Variants in RABGAP1L observed in about 807,000 individuals in gnomAD.
RABGAP1L encodes the protein RAB GTPase activating protein 1 like, also known as rab GTPase-activating protein 1-like.
Under a neutral mutation model 137.7 loss-of-function variants are expected in RABGAP1L, and 63 were observed. The ratio of observed to expected loss-of-function variants is 0.46; its 90% CI spans 0.37 to 0.56. The LOEUF is 0.56. RABGAP1L is among the 20% of genes least tolerant of loss of function. The pLI, the probability that RABGAP1L is intolerant of heterozygous loss-of-function variation, is 0.00. For missense variants in RABGAP1L, 1,095 were observed against 1,244.0 expected, an observed-to-expected ratio of 0.88 and a Z score of 1.80; for synonymous variants, 431 against 433.7, an observed-to-expected ratio of 0.99 and a Z score of 0.08.
intron 13 of RABGAP1L, among the ~76,000 whole-genome samples, chr1:174,426,068 G>A (rs1019297050): frequency 2.0e-5 from 3 of 152,002 alleles, no homozygotes; most frequent in Admixed American, 2.0e-4. Context: ...TTCTCATAAA[G>A]TTCTGTAGGA....
intron 13 of RABGAP1L, among the ~76,000 whole-genome samples, chr1:174,420,677 GTT>G (rs67587872): frequency 7.5e-6 from 1 of 133,976 alleles, no homozygotes. Context: ...TGGGTGTTTT[GTT>G]TTTTTTTTTT....
At chr1:174,599,830 G>C (rs1670277645) in intron 13 of RABGAP1L, among the ~76,000 whole-genome samples, 1 of 152,112 alleles carries the variant, frequency 6.6e-6, no homozygotes. Flanking sequence ...TCTGCTTGGT[G>C]TTTTATAACC....
intron 18 of RABGAP1L, among the ~76,000 whole-genome samples, chr1:174,763,229 C>T (rs1685371698): frequency 6.6e-6 from 1 of 152,022 alleles, no homozygotes. Context: ...TAAAAATGTA[C>T]AATTAGTGGC....
chr1:174,563,168 A>G (rs1303364817), intron 13 of RABGAP1L, among the ~76,000 whole-genome samples: 1 of 152,150 alleles, frequency 6.6e-6, no homozygotes, highest in African/African-American at 2.4e-5. Context: ...TTTTCAACAT[A>G]TTAGAGTGTT....
intron 13 of RABGAP1L, among the ~76,000 whole-genome samples, chr1:174,631,613 C>T: frequency 1.1e-5 from 1 of 89,486 alleles, no homozygotes; most frequent in East Asian, 2.9e-4. Flanking sequence ...ATAGTTAGCT[C>T]CTCTTGTTGA....
At chr1:174,928,162 G>A (rs1663147506) in intron 19 of RABGAP1L, among the ~76,000 whole-genome samples, 1 of 151,900 alleles carries the variant, frequency 6.6e-6, no homozygotes, top group South Asian at 2.1e-4. Flanking sequence ...TCATTCCTTG[G>A]GGCCTTTATT....
intron 11 of RABGAP1L, among the ~76,000 whole-genome samples, chr1:174,346,335 T>A (rs748399093): frequency 6.6e-5 from 10 of 152,318 alleles, no homozygotes; most frequent in Admixed American, 1.3e-4. Context: ...CTTCTTTAAA[T>A]GTTGGGTAAA....
chr1:174,610,983 A>C (rs1671190662), intron 13 of RABGAP1L, among the ~76,000 whole-genome samples: 3 of 150,712 alleles, frequency 2.0e-5, no homozygotes, highest in Admixed American at 2.0e-4. Context: ...AGGTTGCGAA[A>C]ATTTTCTCCC....
At chr1:174,772,123 G>A (rs747241403) in intron 18 of RABGAP1L, among the ~76,000 whole-genome samples, 31 of 152,184 alleles carry the variant, frequency 2.0e-4, no homozygotes, top group Admixed American at 3.9e-4. Flanking sequence ...GCTTGAAGCC[G>A]GGAGGCAGAG....
intron 13 of RABGAP1L, among the ~76,000 whole-genome samples, chr1:174,598,175 A>G (rs1670116210): frequency 6.6e-6 from 1 of 152,084 alleles, no homozygotes; most frequent in Admixed American, 6.6e-5. Flanking sequence ...CTAAAATACA[A>G]AAATTAGCTG....
chr1:174,736,921 C>G (rs949716675), intron 17 of RABGAP1L, among the ~76,000 whole-genome samples: 3 of 152,196 alleles, frequency 2.0e-5, no homozygotes, highest in Non-Finnish European at 4.4e-5. Flanking sequence ...GGGCCCCGGG[C>G]CTGGCCCCTG....
intron 13 of RABGAP1L, among the ~76,000 whole-genome samples, chr1:174,601,190 G>C (rs1322549387): frequency 2.0e-5 from 3 of 152,184 alleles, no homozygotes; most frequent in African/African-American, 7.2e-5. Flanking sequence ...CAAGTCCCTA[G>C]GCCGCACGCA....
chr1:174,724,888 C>T lies in RABGAP1L; in HGVS notation c.2169+22632C>T, dbSNP rs148204186. ...ACATTTAAAGCTGAGATCTAAGAGA[C>T]GAGTAGGAGAAATCACGGTGATGAG... On this transcript the variant is annotated intron_variant, in intron 17 of 25. Coordinates refer to ENST00000681986, the MANE Select transcript of RABGAP1L (RefSeq NM_001366446.1). 7.1e-3 allele frequency among the ~76,000 whole-genome samples: 1,074 copies of T among 152,184 alleles called. 4 individuals are homozygous for T. The highest frequency in any genetic ancestry group is 0.017 in the Middle Eastern group (5 of 294).
intron 13 of RABGAP1L, among the ~76,000 whole-genome samples, chr1:174,635,011 T>C (rs937621276): frequency 6.7e-6 from 1 of 149,564 alleles, no homozygotes; most frequent in Non-Finnish European, 1.5e-5. Flanking sequence ...TGTGCACATG[T>C]ACCCTAAAAC....
At chr1:174,651,907 G>C (rs1294797818) in intron 14 of RABGAP1L, among the ~76,000 whole-genome samples, 3 of 152,176 alleles carry the variant, frequency 2.0e-5, no homozygotes, top group African/African-American at 7.2e-5. Context: ...TTGCTCGTTA[G>C]TTGATGCAGT....
intron 13 of RABGAP1L, among the ~76,000 whole-genome samples, chr1:174,500,228 C>T (rs1195204949): frequency 1.3e-5 from 2 of 152,024 alleles, no homozygotes; most frequent in Non-Finnish European, 2.9e-5. Flanking sequence ...TACAGGCGCA[C>T]ACCACTACGC....
intron 17 of RABGAP1L, among the ~76,000 whole-genome samples, chr1:174,702,635 G>C (rs1679745175): frequency 6.6e-6 from 1 of 152,030 alleles, no homozygotes; most frequent in Non-Finnish European, 1.5e-5. Flanking sequence ...ATATAAATGA[G>C]ATTTTTATAA....
chr1:174,895,778 T>A (rs1356575801), intron 19 of RABGAP1L, among the ~76,000 whole-genome samples: 1 of 152,326 alleles, frequency 6.6e-6, no homozygotes, highest in East Asian at 1.9e-4. Flanking sequence ...GAACTCATCC[T>A]TTTTTGTGGC....
intron 13 of RABGAP1L, among the ~76,000 whole-genome samples, chr1:174,509,674 G>T (rs535570985): frequency 1.8e-4 from 27 of 151,966 alleles, no homozygotes; most frequent in Non-Finnish European, 3.4e-4. Flanking sequence ...CAAGTCTCTT[G>T]GACTCCAAAA....
Sources: allele counts gnomAD v4.1 joint callset (sites outside exome capture counted in the v4.1 genomes callset), GRCh38; gene constraint gnomAD v4.1.1; transcripts MANE v1.5; gene names NCBI Gene and HGNC (gene_info 2026-07-23, HGNC 2026-07-21).